DMXL2: variants seen among roughly 807,000 people sequenced by gnomAD.
DMXL2 encodes the protein Dmx like 2, also known as dmX-like protein 2.
A neutral mutation model predicts 331.1 loss-of-function variants in DMXL2; 103 were observed. That is an observed-to-expected ratio of 0.31 (90% CI 0.27 to 0.37). The LOEUF is 0.37. Among genes scored for constraint, DMXL2 ranks in the 10% least tolerant of loss-of-function variants. The pLI is 1.00. For synonymous variants in DMXL2, 1,281 were observed against 1,252.1 expected (o/e 1.02, Z -0.49); for missense variants, 3,171 against 3,642.9 (o/e 0.87, Z 3.33).
chr15:51,555,814 T>C (rs1251373535), intron 6 of DMXL2, among the ~76,000 whole-genome samples: 1 of 151,442 alleles, frequency 6.6e-6, no homozygotes, highest in Non-Finnish European at 1.5e-5. Flanking sequence ...AAAAAGAAAA[T>C]CTGAATAATT....
chr15:51,577,308 T>A (rs992620923), intron 1 of DMXL2, among the ~76,000 whole-genome samples: 1 of 152,086 alleles, frequency 6.6e-6, no homozygotes, highest in African/African-American at 2.4e-5. Context: ...GGGATCCATA[T>A]AAGGCTGCTA....
rs760838343 is a variant in DMXL2 at position 51,458,724 on chromosome 15, T to C, written c.8061A>G (p.Ala2687=). ...VIHKESDMIM[A]FSVNKANCNE... is the part of the protein sequence containing the mutation. ...GAGCTTTTACCTTATTAACAGAAAATGCCATGATCATATCAGATTCCTTAT... is the reference window on the plus strand; with the variant it reads ...GAGCTTTTACCTTATTAACAGAAAACGCCATGATCATATCAGATTCCTTAT... Residue 2687 remains alanine, a synonymous_variant, in exon 35 of 44, where the codon GCA becomes GCG. Coordinates refer to ENST00000560891, the MANE Select transcript of DMXL2 (RefSeq NM_001378457.1). 11 of 1,614,014 alleles carry C rather than the reference T, an allele frequency of 6.8e-6. No individual in the cohort carries two copies. Among genetic ancestry groups the C allele is most frequent in the Non-Finnish European group, 7.6e-6 (9 of 1,179,928 alleles).
At chr15:51,618,869 G>A (rs1408137104) in intron 1 of DMXL2, among the ~76,000 whole-genome samples, 1 of 152,054 alleles carries the variant, frequency 6.6e-6, no homozygotes, top group Non-Finnish European at 1.5e-5. Context: ...ATCTCTGCCA[G>A]TATATTATAA....
At chr15:51,465,744 T>C in intron 30 of DMXL2, 93 bp from the exon 31 acceptor site, 1 of 892,134 alleles carries the variant, frequency 1.1e-6, no homozygotes, top group East Asian at 2.7e-5. Context: ...TAGCCCACTC[T>C]CCAACCCAGA....
chr15:51,590,496 A>G (rs1011913273), intron 1 of DMXL2, among the ~76,000 whole-genome samples: 2 of 152,116 alleles, frequency 1.3e-5, no homozygotes, highest in Non-Finnish European at 1.5e-5. Context: ...TTTGTCTACT[A>G]TTCTCTTTTC....
In DMXL2 at chr15:51,531,848, C is replaced by T. The variant is rs549635194; in HGVS notation, c.2436+3815G>A. 1.1e-4 allele frequency among the ~76,000 whole-genome samples: 16 copies of T among 152,208 alleles called. No homozygotes were observed. In the South Asian group the frequency reaches 2.9e-3, roughly 28 times the overall value. On this transcript the variant is annotated intron_variant, in intron 13 of 43. Coordinates refer to ENST00000560891, the MANE Select transcript of DMXL2 (RefSeq NM_001378457.1). The stretch of plus-strand genomic sequence containing the variant: ...TATCATCTCACCCCAGTTAAAATGG[C>T]TTATATCCAAAAGACAGGCAATAAC...
rs368274232 is a variant in DMXL2 at position 51,450,293 on chromosome 15, G to T, written c.8803C>A (p.Gln2935Lys). ...ATVLQYAPKQ[Q>K]LLISGGRKGH... is the part of the protein sequence containing the mutation. ...TTCCTACCCCCCGAGATTAGGAGTTGCTGTTTGGGTGCATACTGCAGTACC... is the reference window on the plus strand; with the variant it reads ...TTCCTACCCCCCGAGATTAGGAGTTTCTGTTTGGGTGCATACTGCAGTACC... The change falls in exon 43 of 44, where the codon CAA becomes AAA. Residue 2935 changes from glutamine to lysine, a missense_variant. By Grantham distance (53) the Gln-to-Lys change is moderately conservative (BLOSUM62 1). This residue lies in a region of DMXL2 where 766 missense variants were observed against 940.5 expected (regional missense o/e 0.81). Coordinates refer to ENST00000560891, the MANE Select transcript of DMXL2 (RefSeq NM_001378457.1). 5.6e-6 allele frequency: 9 copies of T among 1,613,852 alleles called. No homozygotes were observed. Among genetic ancestry groups the T allele is most frequent in the Non-Finnish European group, 7.6e-6 (9 of 1,179,978 alleles).
intron 17 of DMXL2, 97 bp downstream of exon 17, chr15:51,502,709 G>C: frequency 1.3e-6 from 1 of 780,222 alleles, no homozygotes; most frequent in South Asian, 1.6e-5. Context: ...TGTCAACATA[G>C]AACATATTTC....
At chr15:51,610,009 T>C (rs975077960) in intron 1 of DMXL2, among the ~76,000 whole-genome samples, 1 of 151,952 alleles carries the variant, frequency 6.6e-6, no homozygotes, top group African/African-American at 2.4e-5. Context: ...TGCCTAGCAA[T>C]ATATTGAATG....
intron 2 of DMXL2, among the ~76,000 whole-genome samples, chr15:51,569,569 T>A (rs1407172666): frequency 6.6e-6 from 1 of 152,142 alleles, no homozygotes; most frequent in Non-Finnish European, 1.5e-5. Flanking sequence ...AGACACCACA[T>A]ACAGGAGAGC....
rs758685223 is a variant in DMXL2, at chr15:51,480,628, T to C, written c.6478A>G (p.Ser2160Gly). ...TGGGCCCCATGAAGGCTACAGTAGC[T>C]GAGAAATACTCTCAGGAGATCTTGG... is the stretch of plus-strand genomic sequence containing the variant. Reference protein sequence around the residue: ...KNQDLLRVFLSYCSLHGAQGG... With the variant: ...KNQDLLRVFLGYCSLHGAQGG... Residue 2160 changes from serine to glycine, a missense_variant, in exon 24 of 44, where the codon AGC becomes GGC. Physicochemically the swap from Ser to Gly is moderately conservative, Grantham distance 56. Around this residue, in one of 7 missense-constraint regions of DMXL2, gnomAD observed 197 missense variants for 196.2 expected, o/e 1.00. Transcript: ENST00000560891. 1.2e-6 allele frequency: 2 copies of C among 1,608,378 alleles called. No homozygotes were observed. Among genetic ancestry groups the C allele is most frequent in the Non-Finnish European group, 1.7e-6 (2 of 1,175,680 alleles).
At chr15:51,569,655 C>G (rs2050530110) in intron 2 of DMXL2, among the ~76,000 whole-genome samples, 1 of 152,208 alleles carries the variant, frequency 6.6e-6, no homozygotes, top group Non-Finnish European at 1.5e-5. Flanking sequence ...CTTTGTTGTT[C>G]CGCAGCCTCC....
intron 23 of DMXL2, 67 bp from the exon 24 acceptor site, chr15:51,481,690 A>C (rs1293298631): frequency 2.0e-5 from 28 of 1,396,996 alleles, no homozygotes; most frequent in Non-Finnish European, 2.6e-5. Flanking sequence ...ACAAAACAAT[A>C]AAATACGTCA....
chr15:51,480,691 C>G lies in DMXL2; in HGVS notation c.6415G>C (p.Glu2139Gln), dbSNP rs1253383743. 1 of 1,611,832 alleles carries G rather than the reference C, an allele frequency of 6.2e-7. No homozygotes were observed. Among genetic ancestry groups the G allele is most frequent in the Admixed American group, 1.7e-5 (1 of 59,788 alleles). Residue 2139 changes from glutamate (E) to glutamine (Q), a missense_variant, in exon 24 of 44, where the codon GAG becomes CAG. Physicochemically the swap from Glu to Gln is conservative, Grantham distance 29. This residue lies in a region of DMXL2 where 197 missense variants were observed against 196.2 expected (regional missense o/e 1.00). Coordinates refer to ENST00000560891, the MANE Select transcript of DMXL2 (RefSeq NM_001378457.1). ...IERRRLQAKREHAERRKSWLQ... is the reference protein window; with the variant it reads ...IERRRLQAKRQHAERRKSWLQ... ...CACGACTTTCGTCTTTCTGCATGCT[C>G]TCGTTTGGCCTGCAATCTTCTTCTT... is the stretch of plus-strand genomic sequence containing the variant.
At chr15:51,473,669 A>G (rs2041320380) in intron 28 of DMXL2, among the ~76,000 whole-genome samples, 1 of 152,216 alleles carries the variant, frequency 6.6e-6, no homozygotes, top group African/African-American at 2.4e-5. Context: ...GATGATTTCT[A>G]TATATCAGCA....
At chr15:51,531,368 T>C (rs1001912354) in intron 13 of DMXL2, among the ~76,000 whole-genome samples, 4 of 152,184 alleles carry the variant, frequency 2.6e-5, no homozygotes, top group African/African-American at 9.6e-5. Context: ...ATTAACTGCA[T>C]ACAAAAATCA....
At position 51,605,458 on chromosome 15, in the gene DMXL2, T is replaced by C. The variant is rs547128699; in HGVS notation, c.87+17001A>G. On this transcript the variant is annotated intron_variant, in intron 1 of 43. Coordinates refer to ENST00000560891, the MANE Select transcript of DMXL2 (RefSeq NM_001378457.1). ...TCAAGTGATCTGCCTGCTTTGGCCT[T>C]CCAAACTGCTGGGATTATAGGTGTG... Among the ~76,000 whole-genome samples the C allele has an allele frequency of 2.0e-4, 29 of 148,386 alleles. No individual in the cohort carries two copies. In the East Asian group the frequency reaches 5.9e-3, roughly 30 times the overall value.
chr15:51,496,082 C>A (rs1040640542), intron 18 of DMXL2, among the ~76,000 whole-genome samples: 4 of 152,068 alleles, frequency 2.6e-5, no homozygotes, highest in African/African-American at 9.7e-5. Flanking sequence ...TGGCCTCAAG[C>A]AATCCTCCTA....
intron 32 of DMXL2, among the ~76,000 whole-genome samples, chr15:51,464,382 A>G (rs2040393975): frequency 6.6e-6 from 1 of 152,238 alleles, no homozygotes; most frequent in African/African-American, 2.4e-5. Context: ...CCTGGGTGAC[A>G]GAGTGAGACC....
Sources: gnomAD v4.1 joint callset for allele counts (sites outside exome capture counted in the v4.1 genomes callset) on GRCh38, gnomAD v4.1.1 for gene constraint, gnomAD v4.1.1 regional missense constraint, MANE v1.5 for transcripts, NCBI Gene and HGNC (gene_info 2026-07-23, HGNC 2026-07-21) for gene names.